Variants in STK3 observed in about 807,000 individuals in gnomAD.
STK3 encodes the protein serine/threonine-protein kinase 3.
In STK3, 41 loss-of-function variants were observed where a neutral mutation model predicts 58.0. The observed-to-expected ratio is 0.71, with a 90% CI of 0.55 to 0.92. The LOEUF (loss-of-function observed/expected upper bound fraction) is 0.92. STK3 is among the 40% of genes least tolerant of loss of function. The pLI, the probability that STK3 is intolerant of heterozygous loss-of-function variation, is 0.00. For missense variants in STK3, 479 were observed against 602.7 expected (o/e 0.79, Z 2.15); for synonymous variants, 170 against 191.0 (o/e 0.89, Z 0.91).
rs71572027 is a variant in STK3 at position 98,858,290 on chromosome 8, G to GTATA, written c.110+25353_110+25356dup. Reference sequence around the variant, plus strand: ...CCAGCTACAGTATATACATACATACGTATATATATATATATATATATATAT... The same window carrying GTATA: ...CCAGCTACAGTATATACATACATACGTATATATATATATATATATATATATATAT... On this transcript the variant is annotated intron_variant, in intron 3 of 12. Transcript: ENST00000523601. Among the ~76,000 whole-genome samples the GTATA allele has an allele frequency of 4.1e-3, 142 of 34,352 alleles. 7 individuals are homozygous for GTATA. The highest frequency in any genetic ancestry group is 0.013 in the East Asian group (10 of 744). 22.5% of individuals were successfully genotyped at this position (34,352 alleles called of 152,430 possible).
At chr8:98,886,386 G>A (rs1040838020) in intron 1 of STK3, among the ~76,000 whole-genome samples, 5 of 152,206 alleles carry the variant, frequency 3.3e-5, no homozygotes, top group Non-Finnish European at 5.9e-5. Flanking sequence ...AATCTGAAAT[G>A]CTCAAAATCT....
At chr8:98,426,380 C>G (rs1422410960) in intron 3 of STK3, among the ~76,000 whole-genome samples, 1 of 152,200 alleles carries the variant, frequency 6.6e-6, no homozygotes, top group Non-Finnish European at 1.5e-5. Flanking sequence ...TGTCCTCAGC[C>G]TACATACACA....
rs7830048 is a variant in STK3, at chr8:98,376,724, G to T, written n.111+2429C>A. On this transcript the variant is annotated intron_variant and non_coding_transcript_variant, in intron 2 of 2. Coordinates refer to the STK3 transcript ENST00000518704. ...AGATATTTAGAGTTCAATGGAAAAC[G>T]TATGTTTATAACTTAAGAGTGAAAT... Among the ~76,000 whole-genome samples the T allele has an allele frequency of 2.0e-4, 30 of 152,290 alleles. No individual in the cohort carries two copies. The East Asian group carries it at 4.8e-3, about 25-fold the overall frequency.
the STK3 span, among the ~76,000 whole-genome samples, chr8:98,353,696 A>C: frequency 6.6e-6 from 1 of 152,220 alleles, no homozygotes; most frequent in African/African-American, 2.4e-5. Flanking sequence ...ATCTCTCTAT[A>C]AAAGCATTTC....
At chr8:98,856,446 A>G (rs865783445) in intron 3 of STK3, among the ~76,000 whole-genome samples, 1 of 152,268 alleles carries the variant, frequency 6.6e-6, no homozygotes, top group South Asian at 2.1e-4. Flanking sequence ...CAATAAGCAC[A>G]TGAAAAAATG....
At chr8:98,522,681 ACT>A (rs1825456073) in intron 10 of STK3, among the ~76,000 whole-genome samples, 2 of 152,278 alleles carry the variant, frequency 1.3e-5, no homozygotes, top group African/African-American at 4.8e-5. Flanking sequence ...CAAAACGGAA[ACT>A]CTGTACCCAT....
chr8:98,572,342 A>G (rs1451719400), intron 8 of STK3, among the ~76,000 whole-genome samples: 5 of 152,166 alleles, frequency 3.3e-5, no homozygotes, highest in Admixed American at 1.3e-4. Flanking sequence ...CTTTGTGTTC[A>G]TTTAGTCAAA....
chr8:98,685,130 A>T (rs1002516422), intron 6 of STK3, among the ~76,000 whole-genome samples: 8 of 152,212 alleles, frequency 5.3e-5, no homozygotes, highest in African/African-American at 1.9e-4. Flanking sequence ...AATACAGAGA[A>T]ATATTGCATT....
intron 1 of STK3, among the ~76,000 whole-genome samples, chr8:98,789,533 G>C (rs1832676686): frequency 6.6e-6 from 1 of 151,892 alleles, no homozygotes; most frequent in Non-Finnish European, 1.5e-5. Flanking sequence ...AAAGAAGAAA[G>C]AAAATCCAAA....
chr8:98,489,503 G>A (rs1822529607), intron 10 of STK3, among the ~76,000 whole-genome samples: 3 of 152,042 alleles, frequency 2.0e-5, no homozygotes, highest in African/African-American at 7.2e-5. Context: ...TTTAAAAAGT[G>A]GTTTCTGCCC....
intron 6 of STK3, among the ~76,000 whole-genome samples, chr8:98,677,063 T>C (rs1487062784): frequency 6.6e-6 from 1 of 152,212 alleles, no homozygotes; most frequent in Non-Finnish European, 1.5e-5. Context: ...GCTCTTCAAA[T>C]GTAACACTTG....
chr8:98,447,079 G>A (rs755840234), intron 1 of STK3, among the ~76,000 whole-genome samples: 4 of 152,078 alleles, frequency 2.6e-5, no homozygotes, highest in Admixed American at 6.6e-5. Context: ...ACACACTGGC[G>A]CCTACTTCAG....
chr8:98,461,350 T>C lies in STK3; in HGVS notation c.1318-5350A>G, dbSNP rs1563624521. Among the ~76,000 whole-genome samples, 2 of 152,334 alleles carry C rather than the reference T, an allele frequency of 1.3e-5. 1 individual carries two copies. Among genetic ancestry groups the C allele is most frequent in the South Asian group, 4.1e-4 (2 of 4,832 alleles). ...TCCATTTGCATAGAATATCTTCTTC[T>C]ACCCCTTTGAGTCTATACAAATCCT... On this transcript the variant is annotated intron_variant, in intron 10 of 10. Transcript: ENST00000419617.
intron 2 of STK3, among the ~76,000 whole-genome samples, chr8:98,435,281 T>C (rs148113069): frequency 8.5e-5 from 13 of 152,262 alleles, no homozygotes; most frequent in African/African-American, 3.1e-4. Context: ...AAAAACCTTT[T>C]CCTCCAGTAA....
At chr8:98,808,730 C>T (rs1834034726) in intron 1 of STK3, among the ~76,000 whole-genome samples, 1 of 152,070 alleles carries the variant, frequency 6.6e-6, no homozygotes, top group South Asian at 2.1e-4. Flanking sequence ...TTTGGAATTT[C>T]CCGAATGATA....
chr8:98,812,685 A>C (rs1429124440), intron 1 of STK3, among the ~76,000 whole-genome samples: 1 of 152,252 alleles, frequency 6.6e-6, no homozygotes, highest in Non-Finnish European at 1.5e-5. Flanking sequence ...GCACATATAC[A>C]CCATGGAATA....
intron 6 of STK3, among the ~76,000 whole-genome samples, chr8:98,676,528 G>T (rs34617327): frequency 1.3e-5 from 2 of 151,696 alleles, no homozygotes; most frequent in Non-Finnish European, 1.5e-5. Context: ...CAGGAGAATC[G>T]CTTGAACCTG....
At chr8:98,913,655 ACCACATGTGC>A (rs577666928) in intron 1 of STK3, among the ~76,000 whole-genome samples, 182 of 152,366 alleles carry the variant, frequency 1.2e-3, no homozygotes, top group Middle Eastern at 6.8e-3. Flanking sequence ...AACCTGTTGC[ACCACATGTGC>A]CCACTCAGGT....
intron 1 of STK3, among the ~76,000 whole-genome samples, chr8:98,906,915 A>C (rs1838925332): frequency 6.6e-6 from 1 of 151,792 alleles, no homozygotes; most frequent in African/African-American, 2.4e-5. Context: ...TGGGAGACTA[A>C]GGAGGGAGGA....
Sources: gnomAD v4.1 joint callset for allele counts (sites outside exome capture counted in the v4.1 genomes callset) on GRCh38, gnomAD v4.1.1 for gene constraint, MANE v1.5 for transcripts, NCBI Gene and HGNC (gene_info 2026-07-23, HGNC 2026-07-21) for gene names.